The following LY75 variants were observed in gnomAD, a reference collection of about 807,000 sequenced individuals.
The protein encoded by LY75 is C-type lectin domain family 13 member B.
LY75 carries 185 observed loss-of-function variants against 231.7 expected under a neutral mutation model. The ratio of observed to expected loss-of-function variants is 0.80; its 90% CI spans 0.71 to 0.90. The LOEUF (loss-of-function observed/expected upper bound fraction) is 0.90, where lower values mean the gene tolerates loss of function less well. LY75 is among the 40% of genes least tolerant of loss of function. LY75 has a pLI of 0.00. For missense variants in LY75, 1,947 were observed against 2,050.2 expected (o/e 0.95, Z 0.97); for synonymous variants, 668 against 689.0 (o/e 0.97, Z 0.48).
At position 159,850,444 on chromosome 2, in the gene LY75, CA is replaced by C. The variant is rs1684349023; in HGVS notation, c.2906del (p.Val969GlyfsTer23). 6.2e-7 allele frequency: 1 copy of C among 1,613,314 alleles called. No homozygotes were observed. The highest frequency in any genetic ancestry group is 8.5e-7 in the Non-Finnish European group (1 of 1,179,636). ...QNKCFLKIKP[V>X]SLTFSQASDT... Reference sequence around the variant, plus strand: ...CGCTTGCTTGAGAAAATGTGAGAGACACGGGTTTGATCTTTAGAAAACACTG... The same window carrying C: ...CGCTTGCTTGAGAAAATGTGAGAGACCGGGTTTGATCTTTAGAAAACACTG... On this transcript the variant is annotated frameshift_variant, in exon 22 of 35. Coordinates refer to ENST00000263636, the MANE Select transcript of LY75 (RefSeq NM_002349.4). LOFTEE classifies it high-confidence loss of function.
Position 159,875,507 on chromosome 2 carries a change from A to G in LY75, c.1911T>C (p.Pro637=), listed in dbSNP as rs1197056832. ...SGPLGPEEAS[P]KPDDPCPEGW... ...CTTCAGGACAGGGGTCATCAGGCTT[A>G]GGGGATGCTTCTTCAGGCCCAAGGG... is the stretch of plus-strand genomic sequence containing the variant. Residue 637 remains proline, a synonymous_variant, in exon 12 of 35, where the codon CCT becomes CCC. Coordinates refer to ENST00000263636, the MANE Select transcript of LY75 (RefSeq NM_002349.4). 6.2e-7 allele frequency: 1 copy of G among 1,613,960 alleles called. No homozygotes were observed. Among genetic ancestry groups the G allele is most frequent in the Non-Finnish European group, 8.5e-7 (1 of 1,179,982 alleles).
rs796940571 is a variant in LY75, at chr2:159,850,789, T to TATATATATATATATATATATAA, written c.2884-323_2884-322insTTATATATATATATATATATAT. On this transcript the variant is annotated intron_variant, in intron 21 of 34. Transcript: ENST00000263636. ...TCAAACTTTCATATATATATATATA[T>TATATATATATATATATATATAA]ATATATATATTATATCTTATATATA... Among the ~76,000 whole-genome samples the TATATATATATATATATATATAA allele has an allele frequency of 4.5e-3, 398 of 88,598 alleles. 18 individuals carry two copies. Among genetic ancestry groups the TATATATATATATATATATATAA allele is most frequent in the Admixed American group, 0.02 (168 of 8,610 alleles). 58.1% of individuals were successfully genotyped at this position (88,598 alleles called of 152,430 possible). A position where few individuals can be genotyped will look rare whatever the true frequency, so the allele number is the denominator to read the frequency against.
intron 24 of LY75, 46 bp downstream of exon 24, chr2:159,842,199 A>G: frequency 6.4e-7 from 1 of 1,567,972 alleles, no homozygotes; most frequent in Non-Finnish European, 8.6e-7. Flanking sequence ...ATATATATAT[A>G]TGTAATAGCA....
rs1311956041 is a variant in LY75 at position 159,885,341 on chromosome 2, C to A, written c.914-48G>T. 1.9e-6 allele frequency: 3 copies of A among 1,576,172 alleles called. No homozygotes were observed. In the Admixed American group the frequency reaches 5.5e-5, roughly 29 times the overall value. ...AGCATTAGAATGAGAAAGTTAGGGC[C>A]AGGATGGTGTCAGAAAGAATAATTT... On this transcript the variant is annotated intron_variant, in intron 5 of 34. Transcript: ENST00000263636.
chr2:159,883,622 A>G (rs1685502910), intron 6 of LY75, among the ~76,000 whole-genome samples: 1 of 152,194 alleles, frequency 6.6e-6, no homozygotes, highest in Admixed American at 6.6e-5. Flanking sequence ...TTATTCAATC[A>G]TGTGGAAACA....
intron 23 of LY75, 105 bp from the exon 24 acceptor site, chr2:159,842,479 A>T: frequency 7.4e-7 from 1 of 1,348,934 alleles, no homozygotes; most frequent in Non-Finnish European, 9.7e-7. Context: ...CTATAAAAGA[A>T]TTCCATGAAG....
chr2:159,824,672 C>A (rs1176616298), intron 28 of LY75, among the ~76,000 whole-genome samples: 1 of 152,216 alleles, frequency 6.6e-6, no homozygotes, highest in Non-Finnish European at 1.5e-5. Flanking sequence ...TTCTTCTCAG[C>A]ACCTCATCGC....
chr2:159,840,664 G>A (rs1683995106), intron 25 of LY75, 65 bp downstream of exon 25: 1 of 1,604,058 alleles, frequency 6.2e-7, no homozygotes, highest in Non-Finnish European at 8.5e-7. Context: ...TGTGAGAGAA[G>A]CTATGCACAA....
rs577877841 is a variant in LY75, at chr2:159,804,950, T to C, written c.*94A>G. 1.3e-5 allele frequency: 12 copies of C among 939,086 alleles called. No individual in the cohort carries two copies. The South Asian group carries it at 2.0e-4, about 16-fold the overall frequency. 58.2% of individuals were successfully genotyped at this position (939,086 alleles called of 1,614,324 possible). On this transcript the variant is annotated 3_prime_UTR_variant, in exon 35 of 35. Coordinates refer to ENST00000263636, the MANE Select transcript of LY75 (RefSeq NM_002349.4). ...CAACTGAAAAAGTATTTAAGAGTTCTACTTTGGAGCAGAGTAAATACTGAC... is the reference window on the plus strand; with the variant it reads ...CAACTGAAAAAGTATTTAAGAGTTCCACTTTGGAGCAGAGTAAATACTGAC...
At position 159,898,679 on chromosome 2, in the gene LY75, A is replaced by G. The variant is rs1417278355; in HGVS notation, c.466+9T>C. The G allele has an allele frequency of 6.2e-7, 1 of 1,607,074 alleles. No individual in the cohort carries two copies. Among genetic ancestry groups the G allele is most frequent in the Non-Finnish European group, 8.5e-7 (1 of 1,174,860 alleles). On this transcript the variant is annotated intron_variant, in intron 2 of 34. Coordinates refer to ENST00000263636, the MANE Select transcript of LY75 (RefSeq NM_002349.4). ...AGCAAATCGGTCAAAGTCCCTCTCT[A>G]ATACTCACCATGATAAGGCTGGTCA...
intron 32 of LY75, among the ~76,000 whole-genome samples, chr2:159,810,322 G>T (rs1264655083): frequency 6.6e-6 from 1 of 152,052 alleles, no homozygotes; most frequent in East Asian, 1.9e-4. Flanking sequence ...GTTTTTAATG[G>T]CTATTCCAAT....
intron 4 of LY75, among the ~76,000 whole-genome samples, chr2:159,888,597 A>G (rs1390445679): frequency 6.6e-6 from 1 of 152,208 alleles, no homozygotes; most frequent in Non-Finnish European, 1.5e-5. Flanking sequence ...AAATATTTCC[A>G]GTTATTATAA....
At chr2:159,828,245 T>TATATTTATATATAAATACTGGAAA (rs1161545517) in intron 28 of LY75, among the ~76,000 whole-genome samples, 3 of 148,634 alleles carry the variant, frequency 2.0e-5, no homozygotes, top group African/African-American at 7.3e-5. Flanking sequence ...AAATTATTTA[T>TATATTTATATATAAATACTGGAAA]ATATTTATAT....
intron 29 of LY75, among the ~76,000 whole-genome samples, chr2:159,818,583 T>C (rs930449669): frequency 6.6e-6 from 1 of 152,118 alleles, no homozygotes; most frequent in Non-Finnish European, 1.5e-5. Flanking sequence ...AAAAGTATGT[T>C]AAATAAAAAC....
intron 32 of LY75, 113 bp from the exon 33 acceptor site, chr2:159,808,684 C>T: frequency 7.0e-7 from 1 of 1,426,880 alleles, no homozygotes; most frequent in African/African-American, 1.4e-5. Flanking sequence ...TTGATAAATT[C>T]AAGCCTTACA....
At position 159,882,175 on chromosome 2, in the gene LY75, T is replaced by G. The variant is rs769913479; in HGVS notation, c.1195A>C (p.Ile399Leu). 16 of 1,613,852 alleles carry G rather than the reference T, an allele frequency of 9.9e-6. No homozygotes were observed. In the African/African-American group the frequency reaches 2.0e-4, roughly 20 times the overall value. Residue 399 changes from isoleucine (I) to leucine (L), a missense_variant, in exon 7 of 35, where the codon ATT (isoleucine) becomes CTT (leucine). Physicochemically the swap from Ile to Leu is conservative, Grantham distance 5. Coordinates refer to ENST00000263636, the MANE Select transcript of LY75 (RefSeq NM_002349.4). ...CKAFSSDLIS[I>L]HSLADVEVVV... ...ACCTCCACATCTGCTAGAGAATGAA[T>G]GCTGATTAGGTCACTACTGAAGGCT...
At chr2:159,810,835 T>G (rs1682938972) in intron 31 of LY75, 160 bp from the exon 32 acceptor site, 1 of 739,950 alleles carries the variant, frequency 1.4e-6, no homozygotes, top group East Asian at 1.3e-4. Context: ...AAATACATAT[T>G]TTAATTAACT....
chr2:159,904,118 G>A (rs768302660), intron 1 of LY75, among the ~76,000 whole-genome samples: 15 of 111,326 alleles, frequency 1.3e-4, no homozygotes, highest in Non-Finnish European at 3.0e-4. Flanking sequence ...AGTGAAATCC[G>A]GGAATCGTGG....
At chr2:159,828,506 G>A (rs1459942859) in intron 28 of LY75, among the ~76,000 whole-genome samples, 1 of 152,062 alleles carries the variant, frequency 6.6e-6, no homozygotes, top group Non-Finnish European at 1.5e-5. Context: ...ACAAATGTTG[G>A]CATCGATACG....
Sources: gnomAD v4.1 joint callset for allele counts (sites outside exome capture counted in the v4.1 genomes callset) on GRCh38, gnomAD v4.1.1 for gene constraint, MANE v1.5 for transcripts, NCBI Gene and HGNC (gene_info 2026-07-23, HGNC 2026-07-21) for gene names.